The following SPOPL variants were observed in gnomAD, a reference collection of about 807,000 sequenced individuals.
SPOPL encodes speckle-type POZ protein-like.
A neutral mutation model predicts 53.8 loss-of-function variants in SPOPL; 23 were observed. That is an observed-to-expected ratio of 0.43 (90% confidence interval 0.31 to 0.61). The LOEUF (loss-of-function observed/expected upper bound fraction) is 0.61. Ranked by LOEUF, SPOPL falls within the 20% of genes least tolerant of loss-of-function variation. SPOPL has a pLI of 0.12. For missense variants in SPOPL, 442 were observed against 466.9 expected (o/e 0.95, Z 0.49); for synonymous variants, 164 against 149.7 (o/e 1.10, Z -0.70).
chr2:138,540,090 G>T (rs1685034710), intron 1 of SPOPL, among the ~76,000 whole-genome samples: 2 of 152,138 alleles, frequency 1.3e-5, no homozygotes, highest in African/African-American at 2.4e-5. Flanking sequence ...GCTCTGTTCT[G>T]TTCCGTTGGT....
chr2:138,552,513 G>A, intron 4 of SPOPL, 41 bp from the exon 5 acceptor site: 1 of 1,575,492 alleles, frequency 6.3e-7, no homozygotes, highest in South Asian at 1.2e-5. Context: ...AAAGTCTCTT[G>A]GATATTTATT....
chr2:138,552,533 C>T (rs747040426), intron 4 of SPOPL, 21 bp from the exon 5 acceptor site: 17 of 1,590,770 alleles, frequency 1.1e-5, no homozygotes, highest in Non-Finnish European at 1.4e-5. Flanking sequence ...TTTATTTAAA[C>T]TCTATTCTGT....
intron 1 of SPOPL, among the ~76,000 whole-genome samples, chr2:138,529,106 A>G (rs1684743919): frequency 6.6e-6 from 1 of 152,240 alleles, no homozygotes; most frequent in South Asian, 2.1e-4. Flanking sequence ...ATTATAAAAC[A>G]AATTTCAAAA....
intron 1 of SPOPL, among the ~76,000 whole-genome samples, chr2:138,545,916 T>C (rs553035152): frequency 6.6e-6 from 1 of 152,314 alleles, no homozygotes; most frequent in South Asian, 2.1e-4. Flanking sequence ...AGTTTAGTGA[T>C]TCATAGATAT....
Position 138,564,735 on chromosome 2 carries a change from T to G in SPOPL, c.865T>G (p.Cys289Gly). The G allele has an allele frequency of 6.2e-7, 1 of 1,614,194 alleles. No individual in the cohort carries two copies. The highest frequency in any genetic ancestry group is 8.5e-7 in the Non-Finnish European group (1 of 1,180,012). ...TGCACTGGAACGGCTGAAGGTCATG[T>G]GCGAAGAAGCTTTGTGTAGTAACCT... ...KYALERLKVM[C>G]EEALCSNLSV... The change falls in exon 9 of 11, where the codon TGC becomes GGC. Residue 289 changes from cysteine to glycine, a missense_variant. Physicochemically the swap from Cys to Gly is radical, Grantham distance 159. Transcript: ENST00000280098.
chr2:138,514,885 T>C (rs1175119325), intron 1 of SPOPL, among the ~76,000 whole-genome samples: 3 of 152,166 alleles, frequency 2.0e-5, no homozygotes, highest in East Asian at 3.9e-4. Flanking sequence ...CTGTCTCATA[T>C]ATTTAGCCAT....
At chr2:138,520,719 T>C (rs956349570) in intron 1 of SPOPL, among the ~76,000 whole-genome samples, 5 of 152,134 alleles carry the variant, frequency 3.3e-5, no homozygotes. Flanking sequence ...GAATGATTTT[T>C]TAAAAAAAGA....
Position 138,551,031 on chromosome 2 carries a change from A to G in SPOPL, c.329A>G (p.Lys110Arg), listed in dbSNP as rs1335825764. 1.9e-6 allele frequency: 3 copies of G among 1,613,094 alleles called. No homozygotes were observed. Among genetic ancestry groups the G allele is most frequent in the Non-Finnish European group, 2.5e-6 (3 of 1,179,446 alleles). The part of the protein sequence containing the change: ...AKFKFSLLNA[K>R]REETKAMESQ... ...TTCAAATTTTCCCTTCTGAATGCTA[A>G]AAGGGAAGAAACAAAAGCAATGGGT... The change falls in exon 4 of 11, where the codon AAA (lysine) becomes AGA (arginine). Residue 110 changes from lysine to arginine, a missense_variant. Lys to Arg is a conservative substitution (Grantham distance 26). Transcript: ENST00000280098.
In SPOPL at chr2:138,560,797, G is replaced by A. The variant is rs1326672850; in HGVS notation, c.715-8G>A. On this transcript the variant is annotated splice_region_variant and splice_polypyrimidine_tract_variant and intron_variant, in intron 7 of 10. Coordinates refer to ENST00000280098, the MANE Select transcript of SPOPL (RefSeq NM_001001664.3). The stretch of plus-strand genomic sequence containing the variant: ...TTTTAACATTTTTGTGTTGTTTTTC[G>A]ATATCAGAATCGAGTGGAAATAAAT... 9.7e-6 allele frequency: 15 copies of A among 1,545,178 alleles called. No homozygotes were observed. Among genetic ancestry groups the A allele is most frequent in the Non-Finnish European group, 1.3e-5 (15 of 1,154,392 alleles).
chr2:138,528,616 A>G (rs368997192), intron 1 of SPOPL, among the ~76,000 whole-genome samples: 1 of 152,228 alleles, frequency 6.6e-6, no homozygotes, highest in African/African-American at 2.4e-5. Flanking sequence ...TCTTGGGTGC[A>G]GTATGTGACT....
At chr2:138,531,194 C>T (rs1445641573) in intron 1 of SPOPL, among the ~76,000 whole-genome samples, 2 of 151,566 alleles carry the variant, frequency 1.3e-5, no homozygotes, top group Admixed American at 6.6e-5. Flanking sequence ...TACAATCTTT[C>T]CCTTTTTCTC....
At position 138,570,619 on chromosome 2, in the gene SPOPL, A is replaced by G. The variant is rs564493876; in HGVS notation, c.*1539A>G. 1 of 152,294 alleles carries G rather than the reference A, an allele frequency of 6.6e-6. No homozygotes were observed. The highest frequency in any genetic ancestry group is 2.4e-5 in the African/African-American group (1 of 41,576). The allele number at this position is 152,294 out of a possible 1,614,324, so 9.4% of individuals were successfully genotyped here. A position where few individuals can be genotyped will look rare whatever the true frequency, so the allele number is the denominator to read the frequency against. On this transcript the variant is annotated 3_prime_UTR_variant, in exon 11 of 11. Coordinates refer to ENST00000280098, the MANE Select transcript of SPOPL (RefSeq NM_001001664.3). ...AGGGAAAAAGTGTGTCACTGGAAAA[A>G]AACGCATATACCTATGTTTGCAAAC...
intron 1 of SPOPL, among the ~76,000 whole-genome samples, chr2:138,514,228 T>C (rs1159662588): frequency 2.6e-5 from 4 of 152,296 alleles, no homozygotes; most frequent in Non-Finnish European, 4.4e-5. Flanking sequence ...TTTGGTTTTA[T>C]ACATTTTAGG....
chr2:138,544,828 C>G (rs2104886469), intron 1 of SPOPL, among the ~76,000 whole-genome samples: 1 of 152,334 alleles, frequency 6.6e-6, no homozygotes, highest in South Asian at 2.1e-4. Flanking sequence ...GCGTCGCTCA[C>G]ACTGGGAGCT....
In SPOPL at chr2:138,572,886, T is replaced by C. The variant is rs1231837786; in HGVS notation, c.*3806T>C. On this transcript the variant is annotated 3_prime_UTR_variant, in exon 11 of 11. Coordinates refer to ENST00000280098, the MANE Select transcript of SPOPL (RefSeq NM_001001664.3). ...TCTTCTGTTTGCAGTATGTGAACTT[T>C]ATGTTTGAAAAGAAATTATTATATT... 2 of 152,564 alleles carry C rather than the reference T, an allele frequency of 1.3e-5. 1 individual carries two copies. The highest frequency in any genetic ancestry group is 4.1e-4 in the South Asian group (2 of 4,832). 9.5% of individuals were successfully genotyped at this position (152,564 alleles called of 1,614,324 possible).
At chr2:138,506,867 A>G (rs947036993) in intron 1 of SPOPL, among the ~76,000 whole-genome samples, 2 of 152,192 alleles carry the variant, frequency 1.3e-5, no homozygotes, top group African/African-American at 4.8e-5. Context: ...AGGAGATAGT[A>G]TGGAGAAGAT....
chr2:138,552,431 G>T, intron 4 of SPOPL, 123 bp from the exon 5 acceptor site: 2 of 1,153,310 alleles, frequency 1.7e-6, no homozygotes, highest in Middle Eastern at 3.1e-4. Context: ...ACAAATATCG[G>T]TAACTTTTAT....
intron 1 of SPOPL, among the ~76,000 whole-genome samples, chr2:138,505,431 G>A (rs1041012769): frequency 1.3e-5 from 2 of 151,644 alleles, no homozygotes; most frequent in African/African-American, 4.9e-5. Flanking sequence ...TATTCATGGA[G>A]GCAGAAGTCT....
chr2:138,519,130 T>C (rs745816690), intron 1 of SPOPL, among the ~76,000 whole-genome samples: 1 of 152,188 alleles, frequency 6.6e-6, no homozygotes, highest in Non-Finnish European at 1.5e-5. Context: ...AACTAAACTT[T>C]TAACTGTGAT....
Sources: allele counts gnomAD v4.1 joint callset (sites outside exome capture counted in the v4.1 genomes callset), GRCh38; gene constraint gnomAD v4.1.1; transcripts MANE v1.5; gene names NCBI Gene and HGNC (gene_info 2026-07-23, HGNC 2026-07-21).